Variants in SMO observed in about 807,000 individuals in gnomAD.
SMO encodes the protein smoothened, frizzled class receptor.
A neutral mutation model predicts 81.6 loss-of-function variants in SMO; 40 were observed. That is an observed-to-expected ratio of 0.49 (90% CI 0.38 to 0.64). The LOEUF is 0.64. Among genes scored for constraint, SMO ranks in the 30% least tolerant of loss-of-function variants. The pLI, the probability that SMO is intolerant of heterozygous loss-of-function variation, is 0.00. For missense variants in SMO, 916 were observed against 1,061.1 expected, an observed-to-expected ratio of 0.86 and a Z score of 1.90; for synonymous variants, 434 against 432.1, an observed-to-expected ratio of 1.00 and a Z score of -0.05.
At position 129,189,045 on chromosome 7, in the gene SMO, AG is replaced by A. The variant is rs1793440456; in HGVS notation, c.-105del. On this transcript the variant is annotated 5_prime_UTR_variant, in exon 1 of 12. An upstream open reading frame in the 5' UTR loses its in-frame stop. Coordinates refer to ENST00000249373, the MANE Select transcript of SMO (RefSeq NM_005631.5). The surrounding 1 kb of genome is among the most constrained non-coding windows in gnomAD (Gnocchi z 4.7). Reference sequence around the variant, plus strand: ...CCGGGCCCGGATTCTCTGGGCGCACAGGTCGCCTGAGCCGCCTCCGCGGCCG... The same window carrying A: ...CCGGGCCCGGATTCTCTGGGCGCACAGTCGCCTGAGCCGCCTCCGCGGCCG... The A allele has an allele frequency of 9.7e-7, 1 of 1,033,562 alleles. No individual in the cohort carries two copies. Among genetic ancestry groups the A allele is most frequent in the African/African-American group, 1.7e-5 (1 of 60,174 alleles). The allele number at this position is 1,033,562 out of a possible 1,614,324, so 64.0% of individuals were successfully genotyped here.
In SMO at chr7:129,212,712, T is replaced by C. The variant is rs908932266; in HGVS notation, c.*261T>C. The C allele has an allele frequency of 6.9e-5, 37 of 539,620 alleles. No individual in the cohort carries two copies. The highest frequency in any genetic ancestry group is 1.1e-4 in the Non-Finnish European group (32 of 303,114). The allele number at this position is 539,620 out of a possible 1,614,324, so 33.4% of individuals were successfully genotyped here. A position where few individuals can be genotyped will look rare whatever the true frequency, so the allele number is the denominator to read the frequency against. On this transcript the variant is annotated 3_prime_UTR_variant, in exon 12 of 12. Coordinates refer to ENST00000249373, the MANE Select transcript of SMO (RefSeq NM_005631.5). The surrounding 1 kb of genome is among the most constrained non-coding windows in gnomAD (Gnocchi z 5.0). ...TTCTGCCCTGCCAGCTGCAGCCTGG[T>C]TGGCAGCATCTGCTCCATCGGGGCA...
intron 1 of SMO, among the ~76,000 whole-genome samples, chr7:129,193,774 AAAAAAAAAAAAATATAT>A (rs1793515859): frequency 2.2e-5 from 2 of 89,924 alleles, no homozygotes; most frequent in South Asian, 3.8e-4. Flanking sequence ...AAAAAAAAAA[AAAAAAAAAAAAATATAT>A]ATATATATAT....
rs774158851 is a variant in SMO at position 129,211,341 on chromosome 7, C to T, written c.1801+228C>T. ...GGTCTGCTTGCCGGTGCTTGGGTTC[C>T]AAGAAGACTCCCCTCCCTCTCCCTT... On this transcript the variant is annotated intron_variant, in intron 10 of 11. Coordinates refer to ENST00000249373, the MANE Select transcript of SMO (RefSeq NM_005631.5). The surrounding 1 kb of genome is among the most constrained non-coding windows in gnomAD (Gnocchi z 4.6). The T allele has an allele frequency of 1.4e-6, 1 of 711,880 alleles. No homozygotes were observed. The highest frequency in any genetic ancestry group is 2.5e-6 in the Non-Finnish European group (1 of 394,760). 44.1% of individuals were successfully genotyped at this position (711,880 alleles called of 1,614,324 possible). A position where few individuals can be genotyped will look rare whatever the true frequency, so the allele number is the denominator to read the frequency against.
In SMO at chr7:129,210,826, C is replaced by G; in HGVS notation, c.1653-139C>G. The G allele has an allele frequency of 1.1e-6, 1 of 885,820 alleles. No homozygotes were observed. Among genetic ancestry groups the G allele is most frequent in the East Asian group, 2.6e-5 (1 of 38,116 alleles). The allele number at this position is 885,820 out of a possible 1,614,324, so 54.9% of individuals were successfully genotyped here. ...GGCCCCACTTCTTTGCAGAGAAGGCCTCTACTCCTGAGTCCTTGAAGGACT... is the reference window on the plus strand; with the variant it reads ...GGCCCCACTTCTTTGCAGAGAAGGCGTCTACTCCTGAGTCCTTGAAGGACT... On this transcript the variant is annotated intron_variant, in intron 9 of 11. Coordinates refer to ENST00000249373, the MANE Select transcript of SMO (RefSeq NM_005631.5). This position sits in a 1 kb window ranked among gnomAD's most constrained non-coding sequence, Gnocchi z 4.7.
chr7:129,203,912 G>A (rs919654249), intron 2 of SMO, among the ~76,000 whole-genome samples: 12 of 151,974 alleles, frequency 7.9e-5, no homozygotes, highest in Non-Finnish European at 1.2e-4. Context: ...GTTAAGGCGC[G>A]AGCGTGTGAA....
chr7:129,200,214 G>A (rs1793648163), intron 1 of SMO, among the ~76,000 whole-genome samples: 1 of 152,078 alleles, frequency 6.6e-6, no homozygotes, highest in South Asian at 2.1e-4. Flanking sequence ...TCAGGAGATC[G>A]AGACCATCCT....
In SMO at chr7:129,211,961, G is replaced by A. The variant is rs73230586; in HGVS notation, c.1937-63G>A. ...GAACTAACAGGTTAAGTGCTCCCAG[G>A]GGAGCGGGGGTGGCATGGACAGAGC... On this transcript the variant is annotated intron_variant, in intron 11 of 11. Coordinates refer to ENST00000249373, the MANE Select transcript of SMO (RefSeq NM_005631.5). The surrounding 1 kb of genome is among the most constrained non-coding windows in gnomAD (Gnocchi z 4.6). 759 of 1,491,702 alleles carry A rather than the reference G, an allele frequency of 5.1e-4. No homozygotes were observed. Among genetic ancestry groups the A allele is most frequent in the Non-Finnish European group, 6.5e-4 (721 of 1,116,230 alleles). The allele number at this position is 1,491,702 out of a possible 1,614,324, so 92.4% of individuals were successfully genotyped here. A position where few individuals can be genotyped will look rare whatever the true frequency, so the allele number is the denominator to read the frequency against.
At position 129,205,781 on chromosome 7, in the gene SMO, A is replaced by G. The variant is rs146911173; in HGVS notation, c.919A>G (p.Thr307Ala). 4 of 1,603,088 alleles carry G rather than the reference A, an allele frequency of 2.5e-6. No homozygotes were observed. The highest frequency in any genetic ancestry group is 3.4e-6 in the Non-Finnish European group (4 of 1,178,172). The change falls in exon 4 of 12, where the codon ACC becomes GCC. Residue 307 changes from threonine (T) to alanine (A), a missense_variant and splice_region_variant. Coordinates refer to ENST00000249373, the MANE Select transcript of SMO (RefSeq NM_005631.5). The part of the protein sequence containing the change: ...ADGTMRLGEP[T>A]SNETLSCVII... ...TGGCACCATGAGGCTTGGGGAGCCC[A>G]CGTAGGTGTCTTGGGGACCCAGAGG...
intron 1 of SMO, among the ~76,000 whole-genome samples, chr7:129,194,443 C>CA (rs1392959110): frequency 6.6e-6 from 1 of 152,128 alleles, no homozygotes; most frequent in Non-Finnish European, 1.5e-5. Flanking sequence ...GCATAAAACA[C>CA]AAAGGTACTG....
At chr7:129,209,440 C>A (rs1793829259) in intron 8 of SMO, 43 bp downstream of exon 8, 3 of 1,393,760 alleles carry the variant, frequency 2.2e-6, no homozygotes, top group Non-Finnish European at 3.1e-6. Context: ...GAGCTGGAGC[C>A]AAGGCCATAA....
chr7:129,202,961 G>A (rs1425998313), intron 1 of SMO, among the ~76,000 whole-genome samples: 1 of 152,152 alleles, frequency 6.6e-6, no homozygotes, highest in Non-Finnish European at 1.5e-5. Context: ...CATGAGCTTG[G>A]TTTCCACAAG....
intron 1 of SMO, among the ~76,000 whole-genome samples, chr7:129,190,537 C>T (rs562105389): frequency 1.3e-5 from 2 of 152,210 alleles, no homozygotes; most frequent in Non-Finnish European, 2.9e-5. Flanking sequence ...GCTGGGGTAC[C>T]CCATCTCTTA....
In SMO at chr7:129,213,470, C is replaced by G. The variant is rs544569484; in HGVS notation, c.*1019C>G. On this transcript the variant is annotated 3_prime_UTR_variant, in exon 12 of 12. Transcript: ENST00000249373. ...GGCCCCACTTTCAAGAATCAGACAGCAGGAAGCCATAGATGCTGGCTGGGT... is the reference window on the plus strand; with the variant it reads ...GGCCCCACTTTCAAGAATCAGACAGGAGGAAGCCATAGATGCTGGCTGGGT... 8.6e-5 allele frequency: 20 copies of G among 232,692 alleles called. No individual in the cohort carries two copies. The highest frequency in any genetic ancestry group is 3.7e-4 in the African/African-American group (17 of 45,358). 14.4% of individuals were successfully genotyped at this position (232,692 alleles called of 1,614,324 possible).
Position 129,211,988 on chromosome 7 carries a change from A to G in SMO, c.1937-36A>G, listed in dbSNP as rs1221303341. 2.9e-5 allele frequency: 45 copies of G among 1,542,052 alleles called. No homozygotes were observed. The highest frequency in any genetic ancestry group is 3.7e-5 in the Non-Finnish European group (42 of 1,148,494). On this transcript the variant is annotated intron_variant, in intron 11 of 11. Transcript: ENST00000249373. The surrounding 1 kb of genome is among the most constrained non-coding windows in gnomAD (Gnocchi z 4.6). ...GAGCGGGGGTGGCATGGACAGAGCC[A>G]GGGCCCCAGGCTCGTGTTGTCTCTC...
At chr7:129,190,001 T>G (rs1793459213) in intron 1 of SMO, among the ~76,000 whole-genome samples, 1 of 152,110 alleles carries the variant, frequency 6.6e-6, no homozygotes, top group Non-Finnish European at 1.5e-5. Flanking sequence ...TATTAAAAGG[T>G]AACCAGAAAG....
At chr7:129,192,135 G>A (rs947575504) in intron 1 of SMO, among the ~76,000 whole-genome samples, 1 of 152,106 alleles carries the variant, frequency 6.6e-6, no homozygotes, top group African/African-American at 2.4e-5. Context: ...AAGCATAAAG[G>A]ACCCAAGGAA....
At position 129,213,426 on chromosome 7, in the gene SMO, C is replaced by T. The variant is rs1793912941; in HGVS notation, c.*975C>T. ...GTGAGGAGATTCCCACCTTCCATAG[C>T]CTCCAAACATGTTCCCAAGGCCCCA... On this transcript the variant is annotated 3_prime_UTR_variant, in exon 12 of 12. Transcript: ENST00000249373. The T allele has an allele frequency of 4.3e-6, 1 of 233,042 alleles. No individual in the cohort carries two copies. The highest frequency in any genetic ancestry group is 8.5e-6 in the Non-Finnish European group (1 of 117,786). 14.4% of individuals were successfully genotyped at this position (233,042 alleles called of 1,614,324 possible).
chr7:129,212,516 A>G lies in SMO; in HGVS notation c.*65A>G. 2 of 1,462,520 alleles carry G rather than the reference A, an allele frequency of 1.4e-6. No individual in the cohort carries two copies. Among genetic ancestry groups the G allele is most frequent in the Non-Finnish European group, 1.9e-6 (2 of 1,073,682 alleles). The allele number at this position is 1,462,520 out of a possible 1,614,324, so 90.6% of individuals were successfully genotyped here. On this transcript the variant is annotated 3_prime_UTR_variant, in exon 12 of 12. Transcript: ENST00000249373. This position sits in a 1 kb window ranked among gnomAD's most constrained non-coding sequence, Gnocchi z 5.0. The stretch of plus-strand genomic sequence containing the variant: ...AATACCTTCAAGGCTCTTCTTCCTC[A>G]CCGAGCATGCTTCCCTAGGATCCCG...
rs772014626 is a variant in SMO at position 129,211,398 on chromosome 7, A to C, written c.1802-238A>C. The stretch of plus-strand genomic sequence containing the variant: ...AATTCTCCAGTTGCTCTCCCTGGGC[A>C]AGAGTAAGTCAGGGTTCCAAGAACT... On this transcript the variant is annotated intron_variant, in intron 10 of 11. Transcript: ENST00000249373. This position sits in a 1 kb window ranked among gnomAD's most constrained non-coding sequence, Gnocchi z 4.6. 2.8e-6 allele frequency: 2 copies of C among 710,948 alleles called. No homozygotes were observed. Among genetic ancestry groups the C allele is most frequent in the Non-Finnish European group, 5.1e-6 (2 of 394,186 alleles). 44.0% of individuals were successfully genotyped at this position (710,948 alleles called of 1,614,324 possible). A position where few individuals can be genotyped will look rare whatever the true frequency, so the allele number is the denominator to read the frequency against.
Sources: allele counts gnomAD v4.1 joint callset (sites outside exome capture counted in the v4.1 genomes callset), GRCh38; gene constraint gnomAD v4.1.1; non-coding constraint Gnocchi (gnomAD v3.1); transcripts MANE v1.5; gene names NCBI Gene and HGNC (gene_info 2026-07-23, HGNC 2026-07-21).